The following LMAN1 variants were observed in gnomAD, a reference collection of about 807,000 sequenced individuals.
LMAN1 encodes the protein lectin, mannose binding 1.
In LMAN1, 32 loss-of-function variants were observed where a neutral mutation model predicts 67.8. The observed-to-expected ratio is 0.47, with a 90% CI of 0.36 to 0.63. The LOEUF is 0.63. Among genes scored for constraint, LMAN1 ranks in the 30% least tolerant of loss-of-function variants. The pLI is 0.00. For missense variants in LMAN1, 632 were observed against 628.2 expected, an observed-to-expected ratio of 1.01 and a Z score of -0.06; for synonymous variants, 235 against 219.3, an observed-to-expected ratio of 1.07 and a Z score of -0.63.
intron 11 of LMAN1, among the ~76,000 whole-genome samples, chr18:59,332,801 CAA>C (rs1391406295): frequency 1.3e-5 from 2 of 152,086 alleles, no homozygotes; most frequent in African/African-American, 4.8e-5. Flanking sequence ...ACACTTTAAG[CAA>C]TCCATGGGTC....
intron 10 of LMAN1, among the ~76,000 whole-genome samples, chr18:59,338,179 T>C (rs1263591610): frequency 6.6e-6 from 1 of 152,214 alleles, no homozygotes; most frequent in African/African-American, 2.4e-5. Context: ...GGTCTGCTTG[T>C]ATTATAGTCT....
chr18:59,347,768 A>T (rs971441679), intron 6 of LMAN1, among the ~76,000 whole-genome samples, 197 bp from the exon 7 acceptor site: 3 of 152,260 alleles, frequency 2.0e-5, no homozygotes, highest in Admixed American at 6.5e-5. Context: ...GATTTATATT[A>T]GAAATAATCC....
At chr18:59,336,513 A>C (rs938892076) in intron 10 of LMAN1, among the ~76,000 whole-genome samples, 1 of 152,216 alleles carries the variant, frequency 6.6e-6, no homozygotes, top group African/African-American at 2.4e-5. Context: ...TAACTAAATA[A>C]ATAAATGGGA....
At chr18:59,333,352 A>T (rs76213902) in intron 10 of LMAN1, 108 bp from the exon 11 acceptor site, 41 of 465,452 alleles carry the variant, frequency 8.8e-5, no homozygotes, top group Non-Finnish European at 1.2e-4. Flanking sequence ...TACATCATTT[A>T]AAAAAAAAAA....
chr18:59,341,962 C>T (rs183981438), intron 8 of LMAN1, among the ~76,000 whole-genome samples: 75 of 151,986 alleles, frequency 4.9e-4, no homozygotes, highest in East Asian at 3.9e-4. Context: ...AGAAGAGAGA[C>T]GATCCAAATA....
intron 11 of LMAN1, 56 bp downstream of exon 11, chr18:59,333,035 T>A: frequency 7.1e-7 from 1 of 1,409,036 alleles, no homozygotes; most frequent in Non-Finnish European, 1.0e-6. Flanking sequence ...CAGTAGAGTA[T>A]GAGTTCTTCC....
intron 4 of LMAN1, 134 bp from the exon 5 acceptor site, chr18:59,353,435 G>A (rs539483664): frequency 1.0e-5 from 7 of 678,890 alleles, no homozygotes; most frequent in East Asian, 8.4e-5. Context: ...AAGACTACAC[G>A]AGACTACATG....
Position 59,329,208 on chromosome 18 carries a change from C to G in LMAN1, c.*1885G>C, listed in dbSNP as rs2070732754. 6.6e-6 allele frequency: 1 copy of G among 152,150 alleles called. No individual in the cohort carries two copies. Among genetic ancestry groups the G allele is most frequent in the South Asian group, 2.1e-4 (1 of 4,832 alleles). The allele number at this position is 152,150 out of a possible 1,614,324, so 9.4% of individuals were successfully genotyped here. The stretch of plus-strand genomic sequence containing the variant: ...ATCACTAAGTATAAAAGATAAAAGG[C>G]TCATGCTCATGCTGTTTCATAATAG... On this transcript the variant is annotated 3_prime_UTR_variant, in exon 13 of 13. Coordinates refer to ENST00000251047, the MANE Select transcript of LMAN1 (RefSeq NM_005570.4).
intron 12 of LMAN1, 40 bp downstream of exon 12, chr18:59,331,378 T>C: frequency 6.4e-7 from 1 of 1,560,470 alleles, no homozygotes; most frequent in South Asian, 1.1e-5. Flanking sequence ...ATTAAACAGA[T>C]GCAGAAAAAT....
Position 59,329,704 on chromosome 18 carries a change from T to C in LMAN1, c.*1389A>G, listed in dbSNP as rs1302354745. 1 of 152,142 alleles carries C rather than the reference T, an allele frequency of 6.6e-6. No individual in the cohort carries two copies. The highest frequency in any genetic ancestry group is 1.5e-5 in the Non-Finnish European group (1 of 68,000). 9.4% of individuals were successfully genotyped at this position (152,142 alleles called of 1,614,324 possible). The stretch of plus-strand genomic sequence containing the variant: ...GAGTTCTTCAGAAAGTCTTTATATA[T>C]AGATTTTAGGTCGTTAGCCCAATCT... On this transcript the variant is annotated 3_prime_UTR_variant, in exon 13 of 13. Coordinates refer to ENST00000251047, the MANE Select transcript of LMAN1 (RefSeq NM_005570.4).
At chr18:59,341,786 GAACA>G (rs770495032) in intron 8 of LMAN1, among the ~76,000 whole-genome samples, 10 of 151,824 alleles carry the variant, frequency 6.6e-5, no homozygotes, top group Non-Finnish European at 1.3e-4. Context: ...AGAAAAACAA[GAACA>G]AACCAAACCC....
chr18:59,346,207 CTCTT>C (rs1368483462), intron 7 of LMAN1, among the ~76,000 whole-genome samples, 156 bp from the exon 8 acceptor site: 4 of 125,386 alleles, frequency 3.2e-5, no homozygotes, highest in African/African-American at 9.2e-5. Context: ...TAGCAAATTA[CTCTT>C]TTTTTTTTTT....
Position 59,331,061 on chromosome 18 carries a change from A to T in LMAN1, c.*32T>A. ...CCCTCAAAACGACATCATTTTGTAC[A>T]CAAATAGATGAAGTACACAGGAAAA... On this transcript the variant is annotated 3_prime_UTR_variant, in exon 13 of 13. Coordinates refer to ENST00000251047, the MANE Select transcript of LMAN1 (RefSeq NM_005570.4). 1.3e-6 allele frequency: 2 copies of T among 1,523,622 alleles called. No individual in the cohort carries two copies. The highest frequency in any genetic ancestry group is 1.8e-6 in the Non-Finnish European group (2 of 1,100,338). 94.4% of individuals were successfully genotyped at this position (1,523,622 alleles called of 1,614,324 possible).
rs760667290 is a variant in LMAN1 at position 59,358,998 on chromosome 18, G to A, written c.214+33C>T. The A allele has an allele frequency of 3.7e-6, 6 of 1,601,736 alleles. No homozygotes were observed. The African/African-American group carries it at 4.0e-5, about 11-fold the overall frequency. ...CGAAGAGGCAGCAGAAGGGGGAGAGGAACCCGGCCCCCAGCCCTCTGCTCC... is the reference window on the plus strand; with the variant it reads ...CGAAGAGGCAGCAGAAGGGGGAGAGAAACCCGGCCCCCAGCCCTCTGCTCC... On this transcript the variant is annotated intron_variant, in intron 1 of 12. Coordinates refer to ENST00000251047, the MANE Select transcript of LMAN1 (RefSeq NM_005570.4).
chr18:59,354,827 T>C (rs775101396), intron 3 of LMAN1, among the ~76,000 whole-genome samples: 9 of 152,326 alleles, frequency 5.9e-5, no homozygotes, highest in Non-Finnish European at 1.0e-4. Flanking sequence ...CACAAGCTAA[T>C]GTTTCCAATT....
At position 59,349,255 on chromosome 18, in the gene LMAN1, G is replaced by A; in HGVS notation, c.640-19C>T. The stretch of plus-strand genomic sequence containing the variant: ...TCATTACCTAGAAAGACATATCATA[G>A]CTATAGCTTTTGCAAAAGACATTAG... On this transcript the variant is annotated intron_variant, in intron 5 of 12. Coordinates refer to ENST00000251047, the MANE Select transcript of LMAN1 (RefSeq NM_005570.4). 6.2e-7 allele frequency: 1 copy of A among 1,605,740 alleles called. No individual in the cohort carries two copies. Among genetic ancestry groups the A allele is most frequent in the Non-Finnish European group, 8.5e-7 (1 of 1,172,654 alleles).
intron 8 of LMAN1, among the ~76,000 whole-genome samples, chr18:59,340,391 AG>A (rs1908260876): frequency 6.6e-6 from 1 of 152,180 alleles, no homozygotes; most frequent in South Asian, 2.1e-4. Context: ...GCAAGAGAGA[AG>A]TATTTAGTCA....
At chr18:59,339,024 C>T in intron 8 of LMAN1, 71 bp from the exon 9 acceptor site, 1 of 1,351,922 alleles carries the variant, frequency 7.4e-7, no homozygotes, top group East Asian at 2.3e-5. Flanking sequence ...ACGTAAGTGA[C>T]CAAAGTGCCA....
At chr18:59,355,111 C>G (rs2144232980) in intron 3 of LMAN1, among the ~76,000 whole-genome samples, 1 of 152,258 alleles carries the variant, frequency 6.6e-6, no homozygotes, top group African/African-American at 2.4e-5. Flanking sequence ...TGCCCTCAAG[C>G]TGATGTACAA....
Sources: gnomAD v4.1 joint callset for allele counts (sites outside exome capture counted in the v4.1 genomes callset) on GRCh38, gnomAD v4.1.1 for gene constraint, MANE v1.5 for transcripts, NCBI Gene and HGNC (gene_info 2026-07-23, HGNC 2026-07-21) for gene names.